The following TMEM132C variants were observed in gnomAD, a reference collection of about 807,000 sequenced individuals.
TMEM132C encodes the protein protein phosphatase 1, regulatory subunit 152.
TMEM132C carries 29 observed loss-of-function variants against 61.4 expected under a neutral mutation model. The ratio of observed to expected loss-of-function variants is 0.47; its 90% CI spans 0.35 to 0.64. TMEM132C has a LOEUF of 0.64. Ranked by LOEUF, TMEM132C falls within the 30% of genes least tolerant of loss-of-function variation. The probability of loss-of-function intolerance (pLI) is 0.00; values close to 1 mark genes in which losing one functional copy is unlikely to be tolerated. For missense variants in TMEM132C, 1,408 were observed against 1,476.9 expected, an observed-to-expected ratio of 0.95 and a Z score of 0.76; for synonymous variants, 656 against 633.1, an observed-to-expected ratio of 1.04 and a Z score of -0.54.
At chr12:128,694,268 G>C (rs998916640) in intron 6 of TMEM132C, among the ~76,000 whole-genome samples, 17 of 152,072 alleles carry the variant, frequency 1.1e-4, no homozygotes, top group Non-Finnish European at 2.1e-4. Flanking sequence ...CTTGAAAGTG[G>C]CTCTCCCAAA....
rs77613442 is a variant in TMEM132C, at chr12:128,595,592, G to A, written c.1122-20560G>A. Among the ~76,000 whole-genome samples the A allele has an allele frequency of 4.1e-4, 63 of 152,310 alleles. 1 individual carries two copies. In the East Asian group the frequency reaches 7.1e-3, roughly 17 times the overall value. The stretch of plus-strand genomic sequence containing the variant: ...CATGCGGTGAAGAGGAGGAGGCCAC[G>A]GGATTGTAAGAGGCAGCAGGAGGCA... On this transcript the variant is annotated intron_variant, in intron 3 of 8. Coordinates refer to ENST00000435159, the MANE Select transcript of TMEM132C (RefSeq NM_001136103.3).
Position 128,706,149 on chromosome 12 carries a change from A to G in TMEM132C, c.3181A>G (p.Thr1061Ala), listed in dbSNP as rs1197227746. The change falls in exon 9 of 9, where the codon ACC becomes GCC. Residue 1061 changes from threonine to alanine, a missense_variant. Physicochemically the swap from Thr to Ala is moderately conservative, Grantham distance 58. Coordinates refer to ENST00000435159, the MANE Select transcript of TMEM132C (RefSeq NM_001136103.3). ...RKKVKFTTFT[T>A]IPPDDSCPTV... ...GAAGGTGAAATTTACCACCTTTACC[A>G]CCATCCCCCCGGACGACAGCTGCCC... 3 of 1,551,376 alleles carry G rather than the reference A, an allele frequency of 1.9e-6. No individual in the cohort carries two copies. Among genetic ancestry groups the G allele is most frequent in the East Asian group, 4.9e-5 (2 of 40,900 alleles).
intron 1 of TMEM132C, among the ~76,000 whole-genome samples, chr12:128,388,434 T>C (rs1331014082): frequency 2.0e-5 from 3 of 152,260 alleles, no homozygotes; most frequent in Non-Finnish European, 4.4e-5. Context: ...CCTCTCTTCT[T>C]CCCCTTGTCT....
intron 2 of TMEM132C, among the ~76,000 whole-genome samples, chr12:128,541,324 C>G (rs1565968173): frequency 6.6e-6 from 1 of 152,200 alleles, no homozygotes; most frequent in Non-Finnish European, 1.5e-5. Flanking sequence ...TCCCCAAATC[C>G]TGTCCTTTGG....
At chr12:128,622,660 C>T (rs974327783) in intron 4 of TMEM132C, among the ~76,000 whole-genome samples, 1 of 151,914 alleles carries the variant, frequency 6.6e-6, no homozygotes, top group African/African-American at 2.4e-5. Context: ...GATGGCTTCA[C>T]TCTGCTCTGG....
intron 2 of TMEM132C, among the ~76,000 whole-genome samples, chr12:128,452,998 A>T (rs1361247926): frequency 2.0e-5 from 3 of 152,212 alleles, no homozygotes; most frequent in Admixed American, 6.5e-5. Context: ...TAGTATATGG[A>T]TATAGAAAGA....
At chr12:128,652,365 C>T (rs1317628734) in intron 4 of TMEM132C, among the ~76,000 whole-genome samples, 1 of 152,218 alleles carries the variant, frequency 6.6e-6, no homozygotes, top group East Asian at 1.9e-4. Flanking sequence ...CCCACAACAT[C>T]CCATTGATCT....
chr12:128,602,692 C>T (rs1381784369), intron 3 of TMEM132C, among the ~76,000 whole-genome samples: 1 of 152,220 alleles, frequency 6.6e-6, no homozygotes, highest in Non-Finnish European at 1.5e-5. Context: ...GACTTGCCTC[C>T]GTTCTCACCT....
chr12:128,676,008 C>T (rs1954583388), intron 5 of TMEM132C, among the ~76,000 whole-genome samples: 1 of 152,202 alleles, frequency 6.6e-6, no homozygotes, highest in Admixed American at 6.5e-5. Flanking sequence ...TACATACCCA[C>T]AGTCATCAAC....
chr12:128,270,809 A>G (rs1477670865), intron 1 of TMEM132C, among the ~76,000 whole-genome samples: 1 of 152,194 alleles, frequency 6.6e-6, no homozygotes, highest in African/African-American at 2.4e-5. Flanking sequence ...CTTGGAAATC[A>G]TTCTATTAAA....
intron 4 of TMEM132C, among the ~76,000 whole-genome samples, chr12:128,659,571 T>A (rs1954364155): frequency 6.6e-6 from 1 of 152,124 alleles, no homozygotes; most frequent in African/African-American, 2.4e-5. Flanking sequence ...AGGGGGAGCA[T>A]TCGCCCAGTT....
At chr12:128,677,141 A>T (rs141110553) in intron 5 of TMEM132C, among the ~76,000 whole-genome samples, 23 of 152,344 alleles carry the variant, frequency 1.5e-4, no homozygotes, top group Admixed American at 2.6e-4. Context: ...GCTTTAAAAC[A>T]TCTTTGACAT....
intron 4 of TMEM132C, among the ~76,000 whole-genome samples, chr12:128,636,842 A>G (rs1299052650): frequency 6.6e-6 from 1 of 152,150 alleles, no homozygotes; most frequent in Admixed American, 6.5e-5. Flanking sequence ...GAGACCACCT[A>G]TGAATGGAAT....
At chr12:128,408,171 G>A (rs1198014209) in intron 1 of TMEM132C, among the ~76,000 whole-genome samples, 1 of 152,122 alleles carries the variant, frequency 6.6e-6, no homozygotes, top group African/African-American at 2.4e-5. Flanking sequence ...AGAGTGACCT[G>A]TTCAAAGAAT....
chr12:128,514,835 GACA>G (rs1202024352), intron 2 of TMEM132C, among the ~76,000 whole-genome samples: 2 of 152,192 alleles, frequency 1.3e-5, no homozygotes, highest in African/African-American at 2.4e-5. Context: ...GAACACAGCA[GACA>G]ACATTCCCAG....
intron 1 of TMEM132C, among the ~76,000 whole-genome samples, chr12:128,402,486 G>GA (rs776124659): frequency 6.6e-6 from 1 of 152,202 alleles, no homozygotes; most frequent in African/African-American, 2.4e-5. Flanking sequence ...TATATAAAAA[G>GA]AAAAAATACA....
At chr12:128,324,106 G>T (rs534613796) in intron 1 of TMEM132C, among the ~76,000 whole-genome samples, 1 of 152,154 alleles carries the variant, frequency 6.6e-6, no homozygotes, top group Non-Finnish European at 1.5e-5. Flanking sequence ...TTAGAGAGTC[G>T]CTGTGGGCCA....
At chr12:128,399,554 G>A (rs569774540) in intron 1 of TMEM132C, among the ~76,000 whole-genome samples, 2 of 152,076 alleles carry the variant, frequency 1.3e-5, no homozygotes, top group Admixed American at 6.5e-5. Context: ...TTTCCAAACT[G>A]TTTTGGAGGC....
intron 2 of TMEM132C, among the ~76,000 whole-genome samples, chr12:128,512,089 TTTTTTC>T (rs1473121476): frequency 3.3e-5 from 5 of 152,110 alleles, no homozygotes; most frequent in East Asian, 1.9e-4. Flanking sequence ...TGCCAGTTTT[TTTTTTC>T]TTTTTCTTTT....
Sources: allele counts gnomAD v4.1 joint callset (sites outside exome capture counted in the v4.1 genomes callset), GRCh38; gene constraint gnomAD v4.1.1; transcripts MANE v1.5; gene names NCBI Gene and HGNC (gene_info 2026-07-23, HGNC 2026-07-21).